FHIT: variants seen among roughly 807,000 people sequenced by gnomAD.
FHIT encodes bis(5'-adenosyl)-triphosphatase.
FHIT carries 19 observed loss-of-function variants against 17.9 expected under a neutral mutation model. The ratio of observed to expected loss-of-function variants is 1.06; its 90% CI spans 0.74 to 1.56. The LOEUF is 1.56. FHIT is among the 40% of genes most tolerant of loss of function. The probability of loss-of-function intolerance (pLI) is 0.00; values close to 1 mark genes in which losing one functional copy is unlikely to be tolerated. For synonymous variants in FHIT, 81 were observed against 69.7 expected, an observed-to-expected ratio of 1.16 and a Z score of -0.81; for missense variants, 248 against 189.2, an observed-to-expected ratio of 1.31 and a Z score of -1.82.
intron 5 of FHIT, among the ~76,000 whole-genome samples, chr3:60,452,033 G>C (rs2031781194): frequency 6.6e-6 from 1 of 152,068 alleles, no homozygotes; most frequent in Non-Finnish European, 1.5e-5. Context: ...CAAGTTTATT[G>C]CTTTCCCTCT....
Position 60,586,312 on chromosome 3 carries a change from G to C in FHIT, c.-17-49333C>G, listed in dbSNP as rs58297140. ...GTCTATTTGATAGTTTCCATGACTTGATCATTGACTCATCAAAATAGACAG... is the reference window on the plus strand; with the variant it reads ...GTCTATTTGATAGTTTCCATGACTTCATCATTGACTCATCAAAATAGACAG... On this transcript the variant is annotated intron_variant, in intron 4 of 9. Transcript: ENST00000492590. Among the ~76,000 whole-genome samples the C allele has an allele frequency of 9.4e-3, 1,436 of 152,080 alleles. 21 individuals carry two copies. The highest frequency in any genetic ancestry group is 0.033 in the African/African-American group (1,363 of 41,530).
intron 5 of FHIT, among the ~76,000 whole-genome samples, chr3:60,019,682 T>C (rs1700480861): frequency 6.6e-6 from 1 of 152,134 alleles, no homozygotes; most frequent in African/African-American, 2.4e-5. Context: ...CCTCCCAAAG[T>C]GCTGGGGTTA....
chr3:60,013,707 T>C (rs1281706720), intron 6 of FHIT, among the ~76,000 whole-genome samples: 2 of 152,184 alleles, frequency 1.3e-5, no homozygotes, highest in Non-Finnish European at 2.9e-5. Context: ...ATGAAAATGA[T>C]TTTTCCAGTC....
intron 5 of FHIT, among the ~76,000 whole-genome samples, chr3:60,206,048 G>C (rs1477201179): frequency 6.6e-6 from 1 of 150,538 alleles, no homozygotes; most frequent in African/African-American, 2.4e-5. Context: ...CAGGAGAATG[G>C]CGTGAACCCG....
At chr3:60,135,516 A>C (rs901328493) in intron 5 of FHIT, among the ~76,000 whole-genome samples, 1 of 152,182 alleles carries the variant, frequency 6.6e-6, no homozygotes, top group African/African-American at 2.4e-5. Flanking sequence ...TAGCCTCTCC[A>C]GGCTTCTTTC....
intron 3 of FHIT, among the ~76,000 whole-genome samples, chr3:60,837,034 C>T (rs541600059): frequency 3.9e-5 from 6 of 152,270 alleles, no homozygotes; most frequent in East Asian, 3.9e-4. Context: ...TCCTGAGCAG[C>T]CATGGCCAGG....
At chr3:59,791,567 A>G (rs1330189384) in intron 8 of FHIT, among the ~76,000 whole-genome samples, 4 of 152,194 alleles carry the variant, frequency 2.6e-5, no homozygotes, top group Admixed American at 2.0e-4. Context: ...CTCTTAAGGC[A>G]GGTTGAGTTG....
chr3:60,761,844 C>T (rs1699670232), intron 4 of FHIT, among the ~76,000 whole-genome samples: 1 of 151,700 alleles, frequency 6.6e-6, no homozygotes, highest in Admixed American at 6.6e-5. Flanking sequence ...CCTCCCCTCA[C>T]ACCTCATCCT....
chr3:60,732,227 T>C (rs1716742), intron 4 of FHIT: 714,881 of 839,116 alleles, frequency 0.85, 305,195 homozygotes, highest in African/African-American at 0.9. Context: ...ATGGCCTCCA[T>C]GATATTCATG....
intron 5 of FHIT, among the ~76,000 whole-genome samples, chr3:60,439,251 C>A (rs1184280865): frequency 6.6e-6 from 1 of 152,074 alleles, no homozygotes; most frequent in East Asian, 1.9e-4. Flanking sequence ...TTAAGGAGGT[C>A]TAGAACCAAG....
At chr3:60,931,608 G>A (rs963430624) in intron 3 of FHIT, among the ~76,000 whole-genome samples, 10 of 152,032 alleles carry the variant, frequency 6.6e-5, no homozygotes, top group East Asian at 1.9e-4. Flanking sequence ...GTTTGTAAAC[G>A]AAACTCCATA....
At chr3:60,880,003 C>G (rs1251102293) in intron 3 of FHIT, among the ~76,000 whole-genome samples, 1 of 151,722 alleles carries the variant, frequency 6.6e-6, no homozygotes, top group Non-Finnish European at 1.5e-5. Context: ...TTTCACAAGT[C>G]TGGATAGAGA....
At chr3:60,602,337 C>T (rs1559572657) in intron 4 of FHIT, among the ~76,000 whole-genome samples, 1 of 152,160 alleles carries the variant, frequency 6.6e-6, no homozygotes, top group Non-Finnish European at 1.5e-5. Context: ...ACACTTTCTA[C>T]AGCAACAGCC....
chr3:61,213,838 C>T (rs995310379), intron 1 of FHIT, among the ~76,000 whole-genome samples: 1 of 152,158 alleles, frequency 6.6e-6, no homozygotes, highest in Non-Finnish European at 1.5e-5. Context: ...AACTAGAACT[C>T]AGGATTAAGA....
intron 5 of FHIT, among the ~76,000 whole-genome samples, chr3:60,084,679 C>A (rs1703424865): frequency 6.6e-6 from 1 of 152,022 alleles, no homozygotes; most frequent in African/African-American, 2.4e-5. Flanking sequence ...ACGCTGAGGA[C>A]TTTAGACTCA....
At chr3:59,808,316 A>G (rs562024741) in intron 8 of FHIT, among the ~76,000 whole-genome samples, 2 of 152,268 alleles carry the variant, frequency 1.3e-5, no homozygotes, top group South Asian at 2.1e-4. Context: ...AGAAGTCCAC[A>G]TGGTAGGGAT....
At chr3:60,513,308 C>A (rs770338472) in intron 5 of FHIT, among the ~76,000 whole-genome samples, 6 of 152,132 alleles carry the variant, frequency 3.9e-5, no homozygotes, top group Admixed American at 6.5e-5. Context: ...TACTTTTATT[C>A]TGAATCTTAT....
chr3:61,186,698 T>A (rs1225939215), intron 2 of FHIT, among the ~76,000 whole-genome samples: 1 of 152,218 alleles, frequency 6.6e-6, no homozygotes, highest in Non-Finnish European at 1.5e-5. Context: ...TAACCTTTTG[T>A]CAAATGAGTA....
intron 5 of FHIT, among the ~76,000 whole-genome samples, chr3:60,514,273 G>A (rs2035061493): frequency 6.6e-6 from 1 of 152,244 alleles, no homozygotes; most frequent in African/African-American, 2.4e-5. Flanking sequence ...AAAGAGCATT[G>A]TAACACACTT....
Sources: gnomAD v4.1 joint callset for allele counts (sites outside exome capture counted in the v4.1 genomes callset) on GRCh38, gnomAD v4.1.1 for gene constraint, MANE v1.5 for transcripts, NCBI Gene and HGNC (gene_info 2026-07-23, HGNC 2026-07-21) for gene names.